Variants in RALGPS1 observed in about 807,000 individuals in gnomAD.
The protein encoded by RALGPS1 is ras-specific guanine nucleotide-releasing factor RalGPS1.
In RALGPS1, 19 loss-of-function variants were observed where a neutral mutation model predicts 78.8. The observed-to-expected ratio is 0.24, with a 90% CI of 0.17 to 0.35. RALGPS1 has a LOEUF of 0.35. RALGPS1 is among the 10% of genes least tolerant of loss of function. The probability of loss-of-function intolerance (pLI) is 1.00; values close to 1 mark genes in which losing one functional copy is unlikely to be tolerated. For synonymous variants in RALGPS1, 228 were observed against 256.3 expected (o/e 0.89, Z 1.06); for missense variants, 454 against 688.3 (o/e 0.66, Z 3.81).
chr9:127,099,297 C>T (rs1485151191), intron 8 of RALGPS1, among the ~76,000 whole-genome samples: 1 of 152,208 alleles, frequency 6.6e-6, no homozygotes, highest in Admixed American at 6.5e-5. Flanking sequence ...TAGGGAGAGG[C>T]TTCTGTGATA....
At chr9:126,957,850 C>T (rs570805849) in intron 1 of RALGPS1, among the ~76,000 whole-genome samples, 1 of 151,916 alleles carries the variant, frequency 6.6e-6, no homozygotes, top group Non-Finnish European at 1.5e-5. Context: ...TTAATAGTAT[C>T]CTGGATAAGT....
rs537224699 is a variant in RALGPS1, at chr9:127,036,328, C to T, written c.300+1814C>T. Among the ~76,000 whole-genome samples, 5 of 152,192 alleles carry T rather than the reference C, an allele frequency of 3.3e-5. No homozygotes were observed. The South Asian group carries it at 6.2e-4, about 19-fold the overall frequency. On this transcript the variant is annotated intron_variant, in intron 5 of 18. Transcript: ENST00000259351. ...GCCTTCTTTGGGATGAACTCGTTGG[C>T]GTCCCTTCCTGGCAGAATTTTATGT...
rs746452873 is a variant in RALGPS1 at position 127,108,758 on chromosome 9, T to G, written c.610+39402T>G. 17 of 1,577,540 alleles carry G rather than the reference T, an allele frequency of 1.1e-5. 1 individual carries two copies. Among genetic ancestry groups the G allele is most frequent in the Middle Eastern group, 2.0e-4 (1 of 4,888 alleles). The stretch of plus-strand genomic sequence containing the variant: ...GTCCTTGCAAAATGGTGGTTATTCT[T>G]TGTGAATAGAATCTATGAAAGCCTG... On this transcript the variant is annotated intron_variant, in intron 8 of 18. Coordinates refer to ENST00000259351, the MANE Select transcript of RALGPS1 (RefSeq NM_014636.3).
intron 4 of RALGPS1, among the ~76,000 whole-genome samples, chr9:127,017,127 G>A (rs537028022): frequency 5.6e-4 from 85 of 152,304 alleles, no homozygotes; most frequent in African/African-American, 1.9e-3. Context: ...TGGATATACA[G>A]TCATATGTCA....
intron 14 of RALGPS1, among the ~76,000 whole-genome samples, chr9:127,204,408 C>G (rs2140886835): frequency 6.6e-6 from 1 of 152,296 alleles, no homozygotes; most frequent in East Asian, 1.9e-4. Context: ...GCAGGAGCCA[C>G]TATGTCCAGC....
chr9:127,121,902 A>G (rs1309714741), intron 8 of RALGPS1, among the ~76,000 whole-genome samples: 1 of 152,170 alleles, frequency 6.6e-6, no homozygotes, highest in East Asian at 1.9e-4. Context: ...ATAGGAATCC[A>G]AAGCTTCAAA....
intron 7 of RALGPS1, among the ~76,000 whole-genome samples, chr9:127,060,482 T>C (rs2049111076): frequency 6.6e-6 from 1 of 151,978 alleles, no homozygotes; most frequent in Admixed American, 6.5e-5. Flanking sequence ...TATGCCTGAC[T>C]CATATTGAGG....
At chr9:126,944,816 C>T (rs2131551896) in intron 1 of RALGPS1, among the ~76,000 whole-genome samples, 1 of 152,230 alleles carries the variant, frequency 6.6e-6, no homozygotes. Context: ...AGGATCCAGT[C>T]TAGGGTCCCT....
chr9:126,945,988 G>T (rs1056745328), intron 1 of RALGPS1, among the ~76,000 whole-genome samples: 1 of 152,172 alleles, frequency 6.6e-6, no homozygotes, highest in Non-Finnish European at 1.5e-5. Flanking sequence ...TTATGACTTA[G>T]CTTTTGCAAT....
At position 126,962,240 on chromosome 9, in the gene RALGPS1, G is replaced by A; in HGVS notation, c.-50G>A. On this transcript the variant is annotated 5_prime_UTR_variant, in exon 2 of 19. Coordinates refer to ENST00000259351, the MANE Select transcript of RALGPS1 (RefSeq NM_014636.3). ...TGCCTTGCAGGACTTCTCCAGACAG[G>A]TTATGTTACCTGCAGAGGCTGCCCT... The A allele has an allele frequency of 1.9e-6, 3 of 1,598,750 alleles. No homozygotes were observed. Among genetic ancestry groups the A allele is most frequent in the Non-Finnish European group, 2.6e-6 (3 of 1,166,602 alleles).
intron 8 of RALGPS1, among the ~76,000 whole-genome samples, chr9:127,074,016 G>T (rs2050461045): frequency 6.6e-6 from 1 of 152,080 alleles, no homozygotes; most frequent in Admixed American, 6.6e-5. Context: ...CGAGTAGCTG[G>T]GATTACAGGT....
chr9:127,008,197 C>T (rs918783039), intron 4 of RALGPS1, among the ~76,000 whole-genome samples: 3 of 151,552 alleles, frequency 2.0e-5, no homozygotes, highest in Admixed American at 6.6e-5. Flanking sequence ...TTTGGTTTTG[C>T]ACATGTTGAG....
chr9:126,946,967 T>C (rs1244765201), intron 1 of RALGPS1, among the ~76,000 whole-genome samples: 4 of 152,132 alleles, frequency 2.6e-5, no homozygotes, highest in Admixed American at 6.6e-5. Context: ...CCAGAGTAGA[T>C]TGTAGATGCT....
intron 4 of RALGPS1, among the ~76,000 whole-genome samples, chr9:127,023,319 A>G (rs561887050): frequency 6.6e-6 from 1 of 152,126 alleles, no homozygotes; most frequent in Admixed American, 6.5e-5. Flanking sequence ...GCAGACACCA[A>G]TTTCAAGACC....
intron 4 of RALGPS1, among the ~76,000 whole-genome samples, chr9:127,010,481 C>T (rs765687697): frequency 3.9e-5 from 6 of 152,172 alleles, no homozygotes; most frequent in Non-Finnish European, 7.4e-5. Flanking sequence ...GGTACCGTTC[C>T]TAGAGATGTG....
Position 127,034,284 on chromosome 9 carries a change from C to T in RALGPS1, c.217-147C>T, listed in dbSNP as rs2046672359. The T allele has an allele frequency of 5.8e-6, 4 of 693,582 alleles. No individual in the cohort carries two copies. In the East Asian group the frequency reaches 8.1e-5, roughly 14 times the overall value. 43.0% of individuals were successfully genotyped at this position (693,582 alleles called of 1,614,324 possible). ...GCTGCACTGTCACCTACAAACCCAG[C>T]CCTTCTCTTCCACCTAGTAAAGATG... On this transcript the variant is annotated intron_variant, in intron 4 of 18. Transcript: ENST00000259351.
At chr9:127,055,095 G>T (rs560590471) in intron 7 of RALGPS1, among the ~76,000 whole-genome samples, 1 of 151,936 alleles carries the variant, frequency 6.6e-6, no homozygotes, top group African/African-American at 2.4e-5. Context: ...CCATTCAAAG[G>T]TGTGGGCATA....
At chr9:126,997,170 A>G in intron 4 of RALGPS1, among the ~76,000 whole-genome samples, 1 of 152,216 alleles carries the variant, frequency 6.6e-6, no homozygotes, top group East Asian at 1.9e-4. Flanking sequence ...ATAGTGTTGG[A>G]AGTTCTAGCC....
intron 4 of RALGPS1, among the ~76,000 whole-genome samples, chr9:126,998,323 A>G (rs901948852): frequency 6.6e-6 from 1 of 152,222 alleles, no homozygotes. Context: ...TTTACAAGAA[A>G]AAAACAAACA....
Sources: gnomAD v4.1 joint callset for allele counts (sites outside exome capture counted in the v4.1 genomes callset) on GRCh38, gnomAD v4.1.1 for gene constraint, MANE v1.5 for transcripts, NCBI Gene and HGNC (gene_info 2026-07-23, HGNC 2026-07-21) for gene names.